CHST9: variants seen among roughly 807,000 people sequenced by gnomAD.
CHST9 encodes carbohydrate sulfotransferase 9.
CHST9 carries 41 observed loss-of-function variants against 44.4 expected under a neutral mutation model. The ratio of observed to expected loss-of-function variants is 0.92; its 90% CI spans 0.72 to 1.20. The LOEUF (loss-of-function observed/expected upper bound fraction) is 1.20, where lower values mean the gene tolerates loss of function less well. Ranked by LOEUF, CHST9 falls within the 50% of genes most tolerant of loss-of-function variation. The pLI, the probability that CHST9 is intolerant of heterozygous loss-of-function variation, is 0.00. For missense variants in CHST9, 504 were observed against 516.5 expected (o/e 0.98, Z 0.23); for synonymous variants, 171 against 178.4 (o/e 0.96, Z 0.33).
At chr18:27,173,057 CATTT>C (rs1011548264) in intron 1 of CHST9, among the ~76,000 whole-genome samples, 1 of 151,844 alleles carries the variant, frequency 6.6e-6, no homozygotes, top group African/African-American at 2.4e-5. Context: ...ATATTTTAAA[CATTT>C]ATTTTGAGGT....
At chr18:27,125,490 G>A (rs774707999) in intron 2 of CHST9, among the ~76,000 whole-genome samples, 40 of 152,156 alleles carry the variant, frequency 2.6e-4, no homozygotes, top group Non-Finnish European at 4.1e-4. Context: ...AAGCTGGGGA[G>A]TTTCCTTCTG....
At chr18:27,114,750 G>A (rs1567921623) in intron 2 of CHST9, among the ~76,000 whole-genome samples, 1 of 152,126 alleles carries the variant, frequency 6.6e-6, no homozygotes, top group Non-Finnish European at 1.5e-5. Flanking sequence ...ATGTTCTTAA[G>A]GTTCATCAAT....
At chr18:27,045,934 AAATTAGTGT>A (rs1341344305) in intron 3 of CHST9, among the ~76,000 whole-genome samples, 1 of 152,098 alleles carries the variant, frequency 6.6e-6, no homozygotes, top group Non-Finnish European at 1.5e-5. Flanking sequence ...AGTCGAAACT[AAATTAGTGT>A]AATCTTTGGA....
intron 2 of CHST9, among the ~76,000 whole-genome samples, chr18:27,127,760 G>T (rs537875273): frequency 2.0e-5 from 3 of 152,302 alleles, no homozygotes; most frequent in African/African-American, 7.2e-5. Flanking sequence ...AGACCACTGA[G>T]GAGGCAGAAG....
chr18:27,151,633 G>C (rs140434855), intron 1 of CHST9, among the ~76,000 whole-genome samples: 30 of 152,318 alleles, frequency 2.0e-4, no homozygotes, highest in African/African-American at 5.5e-4. Context: ...GAATGGAAGA[G>C]TGAGGCAGAG....
In CHST9 at chr18:27,061,043, A is replaced by T. The variant is rs1480538416; in HGVS notation, c.122-12540T>A. Among the ~76,000 whole-genome samples, 3 of 152,236 alleles carry T rather than the reference A, an allele frequency of 2.0e-5. No homozygotes were observed. In the East Asian group the frequency reaches 5.8e-4, roughly 29 times the overall value. On this transcript the variant is annotated intron_variant, in intron 2 of 5. Coordinates refer to ENST00000618847, the MANE Select transcript of CHST9 (RefSeq NM_031422.6). ...TCAGTGCATGTTGTCACATCTGGGCATGATGACTGGTTCTTGACCTACACT... is the reference window on the plus strand; with the variant it reads ...TCAGTGCATGTTGTCACATCTGGGCTTGATGACTGGTTCTTGACCTACACT...
intron 1 of CHST9, among the ~76,000 whole-genome samples, chr18:27,174,217 C>T (rs1373116994): frequency 6.6e-6 from 1 of 151,850 alleles, no homozygotes; most frequent in Non-Finnish European, 1.5e-5. Flanking sequence ...CAATTAGTTG[C>T]CAGGTCTCCT....
intron 2 of CHST9, among the ~76,000 whole-genome samples, chr18:27,055,054 G>A (rs2057638916): frequency 6.6e-6 from 1 of 152,022 alleles, no homozygotes; most frequent in Admixed American, 6.6e-5. Context: ...AGCCAATTCT[G>A]AGTTTGCGTT....
chr18:27,158,090 A>C (rs1285692482), intron 1 of CHST9, among the ~76,000 whole-genome samples: 1 of 151,956 alleles, frequency 6.6e-6, no homozygotes, highest in Admixed American at 6.6e-5. Flanking sequence ...AGACATCACA[A>C]AGTTTTTTTG....
chr18:27,073,157 G>T (rs1259492205), intron 2 of CHST9, among the ~76,000 whole-genome samples: 1 of 152,278 alleles, frequency 6.6e-6, no homozygotes, highest in East Asian at 1.9e-4. Context: ...ACACTGGTCT[G>T]CCTCACAATG....
At chr18:27,117,365 A>G (rs1254684429) in intron 2 of CHST9, among the ~76,000 whole-genome samples, 1 of 152,120 alleles carries the variant, frequency 6.6e-6, no homozygotes, top group East Asian at 1.9e-4. Flanking sequence ...AACATCCCTC[A>G]TTACAGTGGA....
At chr18:27,054,076 T>C (rs907286598) in intron 2 of CHST9, among the ~76,000 whole-genome samples, 9 of 152,192 alleles carry the variant, frequency 5.9e-5, no homozygotes, top group Admixed American at 3.9e-4. Context: ...TCCCATATCG[T>C]TCTCTCTCCT....
intron 1 of CHST9, among the ~76,000 whole-genome samples, chr18:27,150,782 A>G (rs1415411434): frequency 6.6e-6 from 1 of 152,166 alleles, no homozygotes; most frequent in African/African-American, 2.4e-5. Context: ...AATCTACCCT[A>G]TGTATCCAAC....
At chr18:27,012,889 A>G (rs1682818018) in intron 4 of CHST9, among the ~76,000 whole-genome samples, 1 of 152,244 alleles carries the variant, frequency 6.6e-6, no homozygotes, top group African/African-American at 2.4e-5. Flanking sequence ...AAACTATGAA[A>G]CTGGATATTA....
At chr18:26,933,424 TTTTAACCACAACC>T (rs1209877944) in intron 5 of CHST9, among the ~76,000 whole-genome samples, 3 of 152,194 alleles carry the variant, frequency 2.0e-5, no homozygotes, top group Admixed American at 6.5e-5. Context: ...TGAATGTGGC[TTTTAACCACAACC>T]TTTATATTTT....
intron 3 of CHST9, among the ~76,000 whole-genome samples, chr18:27,044,674 GT>G (rs953788144): frequency 8.6e-5 from 13 of 151,110 alleles, no homozygotes; most frequent in South Asian, 4.2e-4. Flanking sequence ...TGATTTTTAA[GT>G]TTTTTTTTGA....
At chr18:27,044,169 G>T (rs2057474599) in intron 3 of CHST9, among the ~76,000 whole-genome samples, 1 of 151,400 alleles carries the variant, frequency 6.6e-6, no homozygotes, top group African/African-American at 2.4e-5. Context: ...ATGATACCTT[G>T]TACATCATTC....
At position 26,907,288 on chromosome 18, in the gene CHST9, T is replaced by C. The variant is rs1358358906; in HGVS notation, c.*8971A>G. 1.3e-5 allele frequency: 2 copies of C among 152,648 alleles called. No homozygotes were observed. The highest frequency in any genetic ancestry group is 4.8e-5 in the African/African-American group (2 of 41,442). 9.5% of individuals were successfully genotyped at this position (152,648 alleles called of 1,614,324 possible). On this transcript the variant is annotated 3_prime_UTR_variant, in exon 6 of 6. Coordinates refer to ENST00000618847, the MANE Select transcript of CHST9 (RefSeq NM_031422.6). ...AAATCGGGGTTGACTTCTAGGTTCC[T>C]AACTCAGAAGATGGAGTAGATGGAT...
intron 2 of CHST9, among the ~76,000 whole-genome samples, chr18:27,055,733 T>C (rs116905293): frequency 0.014 from 2,145 of 152,264 alleles, 34 homozygotes; most frequent in South Asian, 0.033. Flanking sequence ...TATGGATACA[T>C]AAAATCCACC....
Sources: allele counts gnomAD v4.1 joint callset (sites outside exome capture counted in the v4.1 genomes callset), GRCh38; gene constraint gnomAD v4.1.1; transcripts MANE v1.5; gene names NCBI Gene and HGNC (gene_info 2026-07-23, HGNC 2026-07-21).